CAMK2A: variants seen among roughly 807,000 people sequenced by gnomAD.
CAMK2A encodes calcium/calmodulin dependent protein kinase II alpha, also known as calcium/calmodulin-dependent protein kinase type II subunit alpha.
Under a neutral mutation model 79.2 loss-of-function variants are expected in CAMK2A, and 7 were observed. The observed-to-expected ratio is 0.09, with a 90% CI of 0.05 to 0.17. CAMK2A has a LOEUF of 0.17. CAMK2A is among the 10% of genes least tolerant of loss of function. CAMK2A has a pLI of 1.00. For missense variants in CAMK2A, 214 were observed against 646.4 expected (o/e 0.33, Z 7.25); for synonymous variants, 242 against 251.7 (o/e 0.96, Z 0.36).
At chr5:150,236,824 C>T (rs1580905217) in intron 15 of CAMK2A, among the ~76,000 whole-genome samples, 4 of 152,332 alleles carry the variant, frequency 2.6e-5, no homozygotes, top group East Asian at 1.9e-4. Context: ...AACTAGAATG[C>T]TGACTTGACC....
intron 15 of CAMK2A, among the ~76,000 whole-genome samples, chr5:150,236,886 A>T (rs1218724166): frequency 1.3e-5 from 2 of 151,964 alleles, no homozygotes; most frequent in Non-Finnish European, 2.9e-5. Context: ...TCATTCATTC[A>T]TTTTTTTTAA....
At chr5:150,250,435 G>A in intron 10 of CAMK2A, 126 bp from the exon 11 acceptor site, 2 of 862,760 alleles carry the variant, frequency 2.3e-6, no homozygotes, top group Admixed American at 2.0e-5. Context: ...ACGATTCATT[G>A]CTCTAGGAGA....
chr5:150,227,931 C>T (rs1754673632), intron 17 of CAMK2A, among the ~76,000 whole-genome samples: 1 of 152,146 alleles, frequency 6.6e-6, no homozygotes, highest in Admixed American at 6.5e-5. Flanking sequence ...CAGGAGAGGC[C>T]TGGGAGGGCT....
chr5:150,270,262 C>T (rs528312212), intron 2 of CAMK2A, among the ~76,000 whole-genome samples: 91 of 152,332 alleles, frequency 6.0e-4, no homozygotes, highest in African/African-American at 1.9e-3. Context: ...ATGGGTGGAA[C>T]TCAGGCAGCT....
upstream of CAMK2A, chr5:150,289,828 CCCCATGGCAA>C (rs1757591133): frequency 1.8e-6 from 1 of 545,008 alleles, no homozygotes; most frequent in Non-Finnish European, 3.3e-6. Context: ...GCATCCAGGT[CCCCATGGCAA>C]CCACCTCCAA....
chr5:150,234,509 G>A (rs1301936485), intron 15 of CAMK2A, among the ~76,000 whole-genome samples: 1 of 152,214 alleles, frequency 6.6e-6, no homozygotes, highest in African/African-American at 2.4e-5. Flanking sequence ...TATGTCAATA[G>A]AAATAGCTAA....
At chr5:150,273,871 G>T (rs1206692588) in intron 1 of CAMK2A, among the ~76,000 whole-genome samples, 1 of 152,206 alleles carries the variant, frequency 6.6e-6, no homozygotes, top group Non-Finnish European at 1.5e-5. Context: ...ATGCTACAAT[G>T]ACTAGCCGTG....
rs1027153420 is a variant in CAMK2A at position 150,222,287 on chromosome 5, G to A, written c.*423C>T. 6 of 582,976 alleles carry A rather than the reference G, an allele frequency of 1.0e-5. No individual in the cohort carries two copies. The highest frequency in any genetic ancestry group is 3.0e-5 in the Admixed American group (1 of 33,586). The allele number at this position is 582,976 out of a possible 1,614,324, so 36.1% of individuals were successfully genotyped here. A position where few individuals can be genotyped will look rare whatever the true frequency, so the allele number is the denominator to read the frequency against. On this transcript the variant is annotated 3_prime_UTR_variant, in exon 19 of 19. Transcript: ENST00000671881. ...CTGCCCTTCCCCGGGGACACTGGAA[G>A]AGGAGAGGTCTGGGAGAGGGACGGA...
At position 150,222,704 on chromosome 5, in the gene CAMK2A, G is replaced by T; in HGVS notation, c.*6C>A. The T allele has an allele frequency of 7.4e-6, 12 of 1,614,048 alleles. No individual in the cohort carries two copies. Among genetic ancestry groups the T allele is most frequent in the Non-Finnish European group, 1.0e-5 (12 of 1,179,930 alleles). Reference sequence around the variant, plus strand: ...CACAGCAACGCAGCGACCCCAGCCTGGTCCCTCAGCTGTAAGACACACACG... The same window carrying T: ...CACAGCAACGCAGCGACCCCAGCCTTGTCCCTCAGCTGTAAGACACACACG... On this transcript the variant is annotated 3_prime_UTR_variant, in exon 19 of 19. Transcript: ENST00000671881.
Position 150,256,593 on chromosome 5 carries a change from C to A in CAMK2A, c.391G>T (p.Val131Leu). 6.2e-7 allele frequency: 1 copy of A among 1,613,598 alleles called. No homozygotes were observed. The highest frequency in any genetic ancestry group is 1.3e-5 in the African/African-American group (1 of 75,024). ...EAVLHCHQMG[V>L]VHRDLKPENL... The stretch of plus-strand genomic sequence containing the variant: ...CTCACCTTCAGGTCCCGGTGCACCA[C>A]CCCCATCTGGTGGCAGTGCAGCACA... Residue 131 changes from valine (V) to leucine (L), a missense_variant, in exon 6 of 19, where the codon GTG (valine) becomes TTG (leucine). Physicochemically the swap from Val to Leu is conservative, Grantham distance 32 (BLOSUM62 1). Around this residue, in one of 4 missense-constraint regions of CAMK2A, gnomAD observed 72 missense variants for 333.9 expected, o/e 0.22. Coordinates refer to ENST00000671881, the MANE Select transcript of CAMK2A (RefSeq NM_015981.4). This position sits in a 1 kb window ranked among gnomAD's most constrained non-coding sequence, Gnocchi z 4.6.
At chr5:150,232,405 C>T (rs763138490) in intron 15 of CAMK2A, among the ~76,000 whole-genome samples, 15 of 152,204 alleles carry the variant, frequency 9.9e-5, no homozygotes, top group Non-Finnish European at 2.1e-4. Context: ...CAGGGGTTGC[C>T]TCTCTGCTCT....
In CAMK2A at chr5:150,222,076, A is replaced by C; in HGVS notation, c.*634T>G. ...GTTGGAGGTGGACTTCACCAGAAGGAAGCAGAAAGCAAGTAGGGGCACCTG... is the reference window on the plus strand; with the variant it reads ...GTTGGAGGTGGACTTCACCAGAAGGCAGCAGAAAGCAAGTAGGGGCACCTG... On this transcript the variant is annotated 3_prime_UTR_variant, in exon 19 of 19. Transcript: ENST00000671881. 1 of 186,834 alleles carries C rather than the reference A, an allele frequency of 5.4e-6. No individual in the cohort carries two copies. Among genetic ancestry groups the C allele is most frequent in the Non-Finnish European group, 1.1e-5 (1 of 89,438 alleles). 11.6% of individuals were successfully genotyped at this position (186,834 alleles called of 1,614,324 possible). A position where few individuals can be genotyped will look rare whatever the true frequency, so the allele number is the denominator to read the frequency against.
At position 150,220,888 on chromosome 5, in the gene CAMK2A, GGA is replaced by G. The variant is rs1754274971; in HGVS notation, c.*1820_*1821del. ...AACCCAGCAGACAGCTGGTGATTGG[GGA>G]GAGCTCAGAAAATCTCGGATCAAAC... is the stretch of plus-strand genomic sequence containing the variant. On this transcript the variant is annotated 3_prime_UTR_variant, in exon 19 of 19. Coordinates refer to ENST00000671881, the MANE Select transcript of CAMK2A (RefSeq NM_015981.4). 1 of 152,378 alleles carries G rather than the reference GGA, an allele frequency of 6.6e-6. No individual in the cohort carries two copies. Among genetic ancestry groups the G allele is most frequent in the South Asian group, 2.1e-4 (1 of 4,824 alleles). 9.4% of individuals were successfully genotyped at this position (152,378 alleles called of 1,614,324 possible).
chr5:150,272,108 C>G (rs566057945), intron 2 of CAMK2A, among the ~76,000 whole-genome samples: 3 of 152,342 alleles, frequency 2.0e-5, no homozygotes, highest in Middle Eastern at 6.8e-3. Context: ...TCACTGGCCC[C>G]TCTCTGAGTG....
At position 150,221,664 on chromosome 5, in the gene CAMK2A, G is replaced by A. The variant is rs1442725291; in HGVS notation, c.*1046C>T. 1.0e-5 allele frequency: 4 copies of A among 394,346 alleles called. No homozygotes were observed. Among genetic ancestry groups the A allele is most frequent in the Admixed American group, 4.5e-5 (1 of 22,442 alleles). The allele number at this position is 394,346 out of a possible 1,614,324, so 24.4% of individuals were successfully genotyped here. ...GCCTGTGTCAGCTCACCTTGGGACC[G>A]AAATGGCAGAGAGGCCCTTCTCCCC... On this transcript the variant is annotated 3_prime_UTR_variant, in exon 19 of 19. Coordinates refer to ENST00000671881, the MANE Select transcript of CAMK2A (RefSeq NM_015981.4).
chr5:150,225,624 A>C (rs762263950), intron 17 of CAMK2A, among the ~76,000 whole-genome samples: 2 of 152,228 alleles, frequency 1.3e-5, no homozygotes, highest in Non-Finnish European at 2.9e-5. Flanking sequence ...CTGGGGGACC[A>C]GTGCCCCCAG....
intron 15 of CAMK2A, 133 bp from the exon 16 acceptor site, chr5:150,231,513 C>A (rs73281750): frequency 2.8e-6 from 1 of 356,970 alleles, no homozygotes; most frequent in East Asian, 4.9e-5. Flanking sequence ...GTGCTGGGAC[C>A]TGAAGACCTC....
chr5:150,255,610 G>A (rs1381287795), intron 6 of CAMK2A, among the ~76,000 whole-genome samples: 8 of 152,242 alleles, frequency 5.3e-5, no homozygotes, highest in Admixed American at 3.9e-4. Context: ...AGCCCCTCCA[G>A]CAGGGAAGAG....
chr5:150,244,138 G>C (rs1398443806), intron 13 of CAMK2A, among the ~76,000 whole-genome samples: 1 of 152,194 alleles, frequency 6.6e-6, no homozygotes, highest in Non-Finnish European at 1.5e-5. Context: ...TGCAATCTTG[G>C]AAATGATCAT....
Sources: allele counts gnomAD v4.1 joint callset (sites outside exome capture counted in the v4.1 genomes callset), GRCh38; gene constraint gnomAD v4.1.1; regional missense constraint gnomAD v4.1.1; non-coding constraint Gnocchi (gnomAD v3.1); transcripts MANE v1.5; gene names NCBI Gene and HGNC (gene_info 2026-07-23, HGNC 2026-07-21).